IFT80: variants seen among roughly 807,000 people sequenced by gnomAD.
IFT80 encodes the protein intraflagellar transport protein 80 homolog.
IFT80 carries 79 observed loss-of-function variants against 107.9 expected under a neutral mutation model. That is an observed-to-expected ratio of 0.73 (90% CI 0.61 to 0.88). The LOEUF is 0.88. Ranked by LOEUF, IFT80 falls within the 40% of genes least tolerant of loss-of-function variation. The probability of loss-of-function intolerance (pLI) is 0.00; values close to 1 mark genes in which losing one functional copy is unlikely to be tolerated. For synonymous variants in IFT80, 299 were observed against 300.9 expected, an observed-to-expected ratio of 0.99 and a Z score of 0.07; for missense variants, 797 against 914.2, an observed-to-expected ratio of 0.87 and a Z score of 1.65.
At chr3:160,320,243 T>A (rs891145924) in intron 8 of IFT80, 1 of 228,122 alleles carries the variant, frequency 4.4e-6, no homozygotes, top group African/African-American at 2.3e-5. Context: ...ACACAAAGAT[T>A]CTGTAGAAAA....
chr3:160,277,585 C>T lies in IFT80; in HGVS notation c.1922G>A (p.Gly641Asp), dbSNP rs758343586. The T allele has an allele frequency of 3.1e-6, 5 of 1,611,374 alleles. No individual in the cohort carries two copies. Among genetic ancestry groups the T allele is most frequent in the Non-Finnish European group, 3.4e-6 (4 of 1,177,848 alleles). ...TTAEIAYAAIGEIDKVQYINS... is the reference protein window; with the variant it reads ...TTAEIAYAAIDEIDKVQYINS... ...ATGTAAACATTAATTACTTACTTCA[C>T]CAATTGCTGCATAGGCTATTTCTGC... is the stretch of plus-strand genomic sequence containing the variant. The change falls in exon 17 of 20, where the codon GGT (glycine) becomes GAT (aspartate). Residue 641 changes from glycine to aspartate, a missense_variant. Coordinates refer to ENST00000326448, the MANE Select transcript of IFT80 (RefSeq NM_020800.3).
intron 8 of IFT80, 65 bp downstream of exon 8, chr3:160,355,948 C>CTTTAA: frequency 6.4e-7 from 1 of 1,555,570 alleles, no homozygotes. Flanking sequence ...GACTGAGAAC[C>CTTTAA]ATGTGTGTTG....
At chr3:160,389,822 T>G (rs1713228024) in intron 1 of IFT80, among the ~76,000 whole-genome samples, 1 of 152,124 alleles carries the variant, frequency 6.6e-6, no homozygotes, top group Admixed American at 6.6e-5. Context: ...GCAGCATGAT[T>G]TATAGTCCTT....
At chr3:160,373,676 G>T in intron 5 of IFT80, 1 of 172,752 alleles carries the variant, frequency 5.8e-6, no homozygotes, top group Non-Finnish European at 1.2e-5. Context: ...GTCACTGCTG[G>T]GGGTGATGGG....
At chr3:160,265,861 G>A (rs1027324529) in intron 19 of IFT80, among the ~76,000 whole-genome samples, 1 of 151,968 alleles carries the variant, frequency 6.6e-6, no homozygotes, top group African/African-American at 2.4e-5. Flanking sequence ...TCTTAGTTCT[G>A]AAATAAAGCA....
chr3:160,357,620 G>A (rs1227787980), intron 6 of IFT80, 42 bp from the exon 7 acceptor site: 1 of 1,339,946 alleles, frequency 7.5e-7, no homozygotes, highest in Non-Finnish European at 1.1e-6. Context: ...AAGTTTAAAA[G>A]CACTTAAGTT....
chr3:160,259,837 T>C (rs910532248), intron 19 of IFT80, among the ~76,000 whole-genome samples: 3 of 152,312 alleles, frequency 2.0e-5, no homozygotes, highest in Admixed American at 6.5e-5. Context: ...AATTGGGTCA[T>C]AGATTAAACT....
intron 19 of IFT80, among the ~76,000 whole-genome samples, chr3:160,268,045 G>A (rs1326466181): frequency 6.6e-5 from 10 of 152,198 alleles, no homozygotes; most frequent in African/African-American, 2.4e-4. Context: ...TCTGGTCAGT[G>A]CCCTCTGTGC....
chr3:160,302,325 T>C (rs1336450137), intron 11 of IFT80, among the ~76,000 whole-genome samples: 1 of 152,060 alleles, frequency 6.6e-6, no homozygotes, highest in East Asian at 1.9e-4. Flanking sequence ...GGTTGGTAGG[T>C]AGTTTATTTA....
At chr3:160,391,853 G>C (rs1297844310) in intron 1 of IFT80, among the ~76,000 whole-genome samples, 1 of 152,192 alleles carries the variant, frequency 6.6e-6, no homozygotes, top group Non-Finnish European at 1.5e-5. Context: ...ATAGAGAATA[G>C]TTGCATCGTA....
At chr3:160,360,863 A>C (rs895394927) in intron 6 of IFT80, among the ~76,000 whole-genome samples, 2 of 152,194 alleles carry the variant, frequency 1.3e-5, no homozygotes, top group Non-Finnish European at 2.9e-5. Context: ...AGGAAGCACT[A>C]AACATGGAAA....
rs111466948 is a variant in IFT80 at position 160,384,703 on chromosome 3, T to C, written c.-46-57A>G. 3.9e-3 allele frequency: 5,195 copies of C among 1,344,618 alleles called. 98 individuals carry two copies. The African/African-American group carries it at 0.045, about 12-fold the overall frequency. The allele number at this position is 1,344,618 out of a possible 1,614,324, so 83.3% of individuals were successfully genotyped here. On this transcript the variant is annotated intron_variant, in intron 1 of 19. Coordinates refer to ENST00000326448, the MANE Select transcript of IFT80 (RefSeq NM_020800.3). ...TCAGCATTAAAAACAAATGTACGTA[T>C]ACAAACACAAAAGGCAAACAAAACA...
intron 8 of IFT80, among the ~76,000 whole-genome samples, chr3:160,322,044 T>G (rs891309333): frequency 6.7e-6 from 1 of 150,168 alleles, no homozygotes; most frequent in African/African-American, 2.4e-5. Flanking sequence ...ATTTATTTAT[T>G]ATTATTATAC....
chr3:160,337,391 T>G (rs1719572153), intron 8 of IFT80, among the ~76,000 whole-genome samples: 1 of 152,124 alleles, frequency 6.6e-6, no homozygotes, highest in Non-Finnish European at 1.5e-5. Context: ...TGTGGGAGGC[T>G]GAGGCAGGTG....
intron 13 of IFT80, 83 bp from the exon 14 acceptor site, chr3:160,282,696 C>T (rs956498484): frequency 2.4e-6 from 2 of 840,914 alleles, no homozygotes; most frequent in African/African-American, 3.5e-5. Flanking sequence ...AAATCATTTC[C>T]TTTAAGATCA....
At chr3:160,389,086 C>T (rs543325064) in intron 1 of IFT80, among the ~76,000 whole-genome samples, 1 of 152,184 alleles carries the variant, frequency 6.6e-6, no homozygotes, top group South Asian at 2.1e-4. Context: ...TTTGTTACAG[C>T]AATAATATGA....
chr3:160,352,865 C>T (rs752450321), intron 8 of IFT80, among the ~76,000 whole-genome samples: 3 of 152,182 alleles, frequency 2.0e-5, no homozygotes, highest in Non-Finnish European at 4.4e-5. Context: ...TCCATCTCCA[C>T]TGCTACTTCC....
chr3:160,340,488 G>A (rs1291030562), intron 8 of IFT80, among the ~76,000 whole-genome samples: 2 of 152,194 alleles, frequency 1.3e-5, no homozygotes, highest in African/African-American at 4.8e-5. Flanking sequence ...AGCTCCGGGA[G>A]AAGGACCATT....
At chr3:160,286,718 AC>A (rs1715121531) in intron 12 of IFT80, among the ~76,000 whole-genome samples, 1 of 152,188 alleles carries the variant, frequency 6.6e-6, no homozygotes, top group Non-Finnish European at 1.5e-5. Context: ...CCAACAATAG[AC>A]CATCATATTC....
Sources: gnomAD v4.1 joint callset for allele counts (sites outside exome capture counted in the v4.1 genomes callset) on GRCh38, gnomAD v4.1.1 for gene constraint, MANE v1.5 for transcripts, NCBI Gene and HGNC (gene_info 2026-07-23, HGNC 2026-07-21) for gene names.